ZC3H13: variants seen among roughly 807,000 people sequenced by gnomAD.
The protein encoded by ZC3H13 is zinc finger CCCH domain-containing protein 13.
Under a neutral mutation model 204.1 loss-of-function variants are expected in ZC3H13, and 64 were observed. That is an observed-to-expected ratio of 0.31 (90% CI 0.26 to 0.39). ZC3H13 has a LOEUF of 0.39. Among genes scored for constraint, ZC3H13 ranks in the 10% least tolerant of loss-of-function variants. ZC3H13 has a pLI of 1.00. For missense variants in ZC3H13, 1,833 were observed against 2,082.7 expected, an observed-to-expected ratio of 0.88 and a Z score of 2.33; for synonymous variants, 667 against 693.7, an observed-to-expected ratio of 0.96 and a Z score of 0.60.
chr13:46,015,121 C>A (rs9534283), intron 5 of ZC3H13, among the ~76,000 whole-genome samples: 114,011 of 152,022 alleles, frequency 0.75, 43,250 homozygotes, highest in African/African-American at 0.85. Flanking sequence ...TCTAATAACA[C>A]CAAACTGTAC....
chr13:46,045,720 A>G (rs982097553), intron 1 of ZC3H13, among the ~76,000 whole-genome samples: 4 of 152,170 alleles, frequency 2.6e-5, no homozygotes, highest in African/African-American at 9.6e-5. Flanking sequence ...TGGTGAATTT[A>G]TAACAGCTGT....
intron 4 of ZC3H13, among the ~76,000 whole-genome samples, chr13:46,034,386 G>C (rs2043085406): frequency 6.6e-6 from 1 of 152,168 alleles, no homozygotes; most frequent in African/African-American, 2.4e-5. Context: ...CAACTCAAAT[G>C]TCCATCCACT....
intron 1 of ZC3H13, among the ~76,000 whole-genome samples, chr13:46,050,942 G>GT (rs1201647789): frequency 1.3e-5 from 2 of 152,092 alleles, no homozygotes; most frequent in Non-Finnish European, 2.9e-5. Flanking sequence ...ATCAACAGCA[G>GT]TTAATGCTTC....
In ZC3H13 at chr13:45,965,442, C is replaced by A. The variant is rs1422795896; in HGVS notation, c.4322-10G>T. The A allele has an allele frequency of 1.2e-6, 2 of 1,610,362 alleles. No homozygotes were observed. Among genetic ancestry groups the A allele is most frequent in the South Asian group, 2.2e-5 (2 of 90,446 alleles). On this transcript the variant is annotated splice_polypyrimidine_tract_variant and intron_variant, in intron 15 of 18. Coordinates refer to ENST00000679008, the MANE Select transcript of ZC3H13 (RefSeq NM_001330564.2). ...GACTCGTCATCTCCTGCTAAATAGA[C>A]AAATTAATTTCAGATCAAAGACAAC...
chr13:46,020,366 C>G, intron 5 of ZC3H13, 83 bp downstream of exon 5: 1 of 978,390 alleles, frequency 1.0e-6, no homozygotes, highest in East Asian at 2.5e-5. Context: ...GGATCACAGT[C>G]GAAAGGTGTT....
At chr13:45,959,421 C>A in intron 18 of ZC3H13, 62 bp downstream of exon 18, 3 of 1,387,312 alleles carry the variant, frequency 2.2e-6, no homozygotes, top group African/African-American at 1.5e-5. Context: ...TTAAAACAAC[C>A]AAATGAAAAA....
At chr13:45,963,741 T>C in intron 17 of ZC3H13, 101 bp downstream of exon 17, 1 of 1,523,412 alleles carries the variant, frequency 6.6e-7, no homozygotes, top group Non-Finnish European at 8.8e-7. Flanking sequence ...AAATAGTTTC[T>C]ACACAGTGTT....
Position 45,963,972 on chromosome 13 carries a change from A to G in ZC3H13, c.4545T>C (p.Pro1515=). ...GTGTGAATTTTAAGAGTGCAGCCCC[A>G]GGCTCTCGTGGTTCTTTTGGATGCT... The part of the protein sequence containing the change: ...MPKHPKEPRE[P]GAALLKFTPG... The change falls in exon 17 of 19, where the codon CCT becomes CCC. Residue 1515 remains proline, a synonymous_variant. Transcript: ENST00000679008. 1.2e-6 allele frequency: 2 copies of G among 1,614,180 alleles called. No homozygotes were observed. Among genetic ancestry groups the G allele is most frequent in the Non-Finnish European group, 1.7e-6 (2 of 1,180,010 alleles).
chr13:46,039,203 AG>A (rs1189526183), intron 4 of ZC3H13, among the ~76,000 whole-genome samples: 1 of 152,196 alleles, frequency 6.6e-6, no homozygotes, highest in Non-Finnish European at 1.5e-5. Flanking sequence ...AGCAAGAATC[AG>A]GCTTTAAATT....
At chr13:46,005,596 C>T (rs1235867219) in intron 7 of ZC3H13, among the ~76,000 whole-genome samples, 1 of 151,986 alleles carries the variant, frequency 6.6e-6, no homozygotes, top group Non-Finnish European at 1.5e-5. Flanking sequence ...CTCCAGTGAT[C>T]CCCATGCCTC....
At chr13:46,042,525 G>A (rs1038055490) in intron 3 of ZC3H13, among the ~76,000 whole-genome samples, 2 of 152,034 alleles carry the variant, frequency 1.3e-5, no homozygotes, top group African/African-American at 4.8e-5. Context: ...TAAATTCCAC[G>A]AAGTGGCAGG....
chr13:45,976,330 A>C, intron 11 of ZC3H13: 5 of 843,900 alleles, frequency 5.9e-6, no homozygotes, highest in Non-Finnish European at 7.1e-6. Flanking sequence ...ATATATACAC[A>C]TCAAAGTGCA....
intron 7 of ZC3H13, among the ~76,000 whole-genome samples, chr13:46,008,189 GT>G (rs1347326790): frequency 2.6e-5 from 4 of 151,534 alleles, no homozygotes; most frequent in African/African-American, 9.7e-5. Context: ...ACTCCACTGA[GT>G]TTTAACTGAA....
intron 8 of ZC3H13, among the ~76,000 whole-genome samples, chr13:45,999,890 C>T (rs753382195): frequency 7.2e-5 from 11 of 152,134 alleles, no homozygotes; most frequent in Admixed American, 3.9e-4. Context: ...TTTGTCTTAG[C>T]GAGCATGAAA....
At chr13:46,051,996 G>GAAAAAAGAAA (rs2044469284) in intron 1 of ZC3H13, 1 of 120,084 alleles carries the variant, frequency 8.3e-6, no homozygotes. Flanking sequence ...ACTGCTGAGG[G>GAAAAAAGAAA]AAAAAAAAAA....
chr13:45,962,046 T>C (rs1258827049), intron 17 of ZC3H13: 4 of 456,458 alleles, frequency 8.8e-6, no homozygotes, highest in East Asian at 1.6e-4. Flanking sequence ...GTTGGTACAC[T>C]TGAATAGACA....
At chr13:46,002,921 C>A (rs1367401342) in intron 8 of ZC3H13, among the ~76,000 whole-genome samples, 2 of 151,296 alleles carry the variant, frequency 1.3e-5, no homozygotes, top group Non-Finnish European at 2.9e-5. Context: ...GTTTTTTTAC[C>A]ACAATAAAAA....
At chr13:46,042,332 T>C (rs992959767) in intron 3 of ZC3H13, 57 bp from the exon 4 acceptor site, 7 of 1,100,716 alleles carry the variant, frequency 6.4e-6, no homozygotes, top group South Asian at 4.4e-5. Flanking sequence ...CAAAAATCTG[T>C]ATTTATATAT....
intron 4 of ZC3H13, among the ~76,000 whole-genome samples, chr13:46,041,514 A>C (rs757605018): frequency 7.2e-5 from 11 of 152,144 alleles, no homozygotes; most frequent in African/African-American, 1.7e-4. Flanking sequence ...AACTCTAATA[A>C]TACTAAAAAC....
Sources: gnomAD v4.1 joint callset for allele counts (sites outside exome capture counted in the v4.1 genomes callset) on GRCh38, gnomAD v4.1.1 for gene constraint, MANE v1.5 for transcripts, NCBI Gene and HGNC (gene_info 2026-07-23, HGNC 2026-07-21) for gene names.